Variants in CPSF2 observed in about 807,000 individuals in gnomAD.
CPSF2 encodes cleavage and polyadenylation specific factor 2.
A neutral mutation model predicts 84.2 loss-of-function variants in CPSF2; 51 were observed. The ratio of observed to expected loss-of-function variants is 0.61; its 90% CI spans 0.48 to 0.77. The LOEUF (loss-of-function observed/expected upper bound fraction) is 0.77, where lower values mean the gene tolerates loss of function less well. CPSF2 is among the 30% of genes least tolerant of loss of function. CPSF2 has a pLI of 0.00. For missense variants in CPSF2, 641 were observed against 929.4 expected (o/e 0.69, Z 4.03); for synonymous variants, 286 against 311.9 (o/e 0.92, Z 0.87).
At position 92,168,407 on chromosome 14, in the gene CPSF2, AC is replaced by A; in HGVS notation, c.*6665del. 6.6e-6 allele frequency: 1 copy of A among 152,136 alleles called. No individual in the cohort carries two copies. The highest frequency in any genetic ancestry group is 2.4e-5 in the African/African-American group (1 of 41,506). 9.4% of individuals were successfully genotyped at this position (152,136 alleles called of 1,614,324 possible). A position where few individuals can be genotyped will look rare whatever the true frequency, so the allele number is the denominator to read the frequency against. ...TGTTTATGGGAAAATACCAAAAATTACCAAAATTTAAAAACCCAGGGCTTTG... is the reference window on the plus strand; with the variant it reads ...TGTTTATGGGAAAATACCAAAAATTACAAAATTTAAAAACCCAGGGCTTTG... On this transcript the variant is annotated 3_prime_UTR_variant, in exon 16 of 16. Transcript: ENST00000298875.
At chr14:92,141,609 T>C (rs578082325) in intron 7 of CPSF2, among the ~76,000 whole-genome samples, 1 of 152,162 alleles carries the variant, frequency 6.6e-6, no homozygotes, top group South Asian at 2.1e-4. Context: ...ATTACAGGTG[T>C]GAGCCATTGC....
intron 7 of CPSF2, among the ~76,000 whole-genome samples, chr14:92,141,051 G>A (rs975761637): frequency 6.6e-6 from 1 of 152,154 alleles, no homozygotes; most frequent in Non-Finnish European, 1.5e-5. Flanking sequence ...CTTGTTGGAA[G>A]GGAATATGAT....
At chr14:92,142,875 G>T in intron 8 of CPSF2, 129 bp from the exon 9 acceptor site, 3 of 803,586 alleles carry the variant, frequency 3.7e-6, no homozygotes, top group Non-Finnish European at 5.8e-6. Flanking sequence ...TAAGCTGCTT[G>T]TCAAAACAGT....
Position 92,159,018 on chromosome 14 carries a change from G to C in CPSF2, c.1857G>C (p.Gln619His). 6.2e-7 allele frequency: 1 copy of C among 1,613,986 alleles called. No individual in the cohort carries two copies. The highest frequency in any genetic ancestry group is 8.5e-7 in the Non-Finnish European group (1 of 1,179,944). ...AAGACTCACTTGTCAGCTCTCTTCA[G>C]TTTTGTAAGGCAAAAGATGCTGAAT... Reference protein sequence around the residue: ...RLKDSLVSSLQFCKAKDAELA... With the variant: ...RLKDSLVSSLHFCKAKDAELA... Residue 619 changes from glutamine (Q) to histidine (H), a missense_variant, in exon 14 of 16, where the codon CAG becomes CAC. Transcript: ENST00000298875.
In CPSF2 at chr14:92,135,498, T is replaced by C. The variant is rs762735556; in HGVS notation, c.545+2T>C. The C allele has an allele frequency of 6.2e-7, 1 of 1,610,250 alleles. No individual in the cohort carries two copies. The highest frequency in any genetic ancestry group is 1.7e-5 in the Admixed American group (1 of 59,130). ...TGACTTCAACCACAAGAGGGAGATG[T>C]AGGTATATCAAGAGAAAAGCTAAAG... On this transcript the variant is annotated splice_donor_variant, in intron 6 of 15. Transcript: ENST00000298875. LOFTEE classifies it high-confidence loss of function.
At chr14:92,131,941 A>G (rs2068937134) in intron 3 of CPSF2, among the ~76,000 whole-genome samples, 1 of 152,058 alleles carries the variant, frequency 6.6e-6, no homozygotes, top group East Asian at 1.9e-4. Context: ...AGAACTTGAG[A>G]AAAAAAATCC....
chr14:92,131,404 A>T (rs553148082), intron 3 of CPSF2, among the ~76,000 whole-genome samples: 1 of 152,362 alleles, frequency 6.6e-6, no homozygotes, highest in African/African-American at 2.4e-5. Context: ...ACAAGAATAC[A>T]TAAGAATTTG....
chr14:92,155,308 A>G lies in CPSF2; in HGVS notation c.1427A>G (p.Tyr476Cys), dbSNP rs1175896132. The G allele has an allele frequency of 6.2e-7, 1 of 1,613,712 alleles. No individual in the cohort carries two copies. The highest frequency in any genetic ancestry group is 8.5e-7 in the Non-Finnish European group (1 of 1,179,730). ...GAAGAAAGAATTAAATGGGATGAAT[A>G]TGGAGAGATTATCAAGTATGTGAGC... is the stretch of plus-strand genomic sequence containing the variant. ...APEERIKWDE[Y>C]GEIIKPEDFL... The change falls in exon 11 of 16, where the codon TAT becomes TGT. Residue 476 changes from tyrosine to cysteine, a missense_variant. Physicochemically the swap from Tyr to Cys is radical, Grantham distance 194. Coordinates refer to ENST00000298875, the MANE Select transcript of CPSF2 (RefSeq NM_017437.3).
At chr14:92,153,052 T>C (rs1456960191) in intron 9 of CPSF2, among the ~76,000 whole-genome samples, 1 of 112,264 alleles carries the variant, frequency 8.9e-6, no homozygotes. Context: ...AGAAATACTG[T>C]GTCAAATGTC....
At position 92,135,456 on chromosome 14, in the gene CPSF2, G is replaced by T; in HGVS notation, c.505G>T (p.Glu169Ter). Residue 169 changes from glutamate to a stop codon, truncating the protein, a stop_gained, in exon 6 of 16, where the codon GAA becomes TAA. Transcript: ENST00000298875. LOFTEE classifies it high-confidence loss of function. The stretch of plus-strand genomic sequence containing the variant: ...GAAAATAGTCAAAGATGGAGAAGAA[G>T]AAATTGTTTATGCAGTTGACTTCAA... ...IWKIVKDGEE[E>*]IVYAVDFNHK... The T allele has an allele frequency of 6.2e-7, 1 of 1,613,614 alleles. No individual in the cohort carries two copies. The highest frequency in any genetic ancestry group is 8.5e-7 in the Non-Finnish European group (1 of 1,179,754).
At chr14:92,152,905 A>G (rs1343478278) in intron 9 of CPSF2, among the ~76,000 whole-genome samples, 6 of 152,084 alleles carry the variant, frequency 3.9e-5, no homozygotes, top group Admixed American at 3.9e-4. Context: ...TATGAGAACT[A>G]CTGATTTAAT....
At chr14:92,151,752 A>G (rs1206369763) in intron 9 of CPSF2, among the ~76,000 whole-genome samples, 3 of 152,160 alleles carry the variant, frequency 2.0e-5, no homozygotes, top group Non-Finnish European at 4.4e-5. Context: ...GAATAATGCT[A>G]TAGGCCAGGT....
rs553891330 is a variant in CPSF2 at position 92,157,963 on chromosome 14, C to T, written c.1821+79C>T. 9.5e-5 allele frequency: 94 copies of T among 986,554 alleles called. No homozygotes were observed. In the African/African-American group the frequency reaches 1.3e-3, roughly 13 times the overall value. 61.1% of individuals were successfully genotyped at this position (986,554 alleles called of 1,614,324 possible). On this transcript the variant is annotated intron_variant, in intron 13 of 15. Coordinates refer to ENST00000298875, the MANE Select transcript of CPSF2 (RefSeq NM_017437.3). The surrounding 1 kb of genome is among the most constrained non-coding windows in gnomAD (Gnocchi z 4.0). ...TTAGGACAGATAACATTAGAAATAC[C>T]GAGATGTGTGAGACAGACATGGATG... is the stretch of plus-strand genomic sequence containing the variant.
intron 7 of CPSF2, 140 bp from the exon 8 acceptor site, chr14:92,142,024 C>A: frequency 1.0e-5 from 6 of 578,714 alleles, no homozygotes; most frequent in East Asian, 3.0e-5. Context: ...GAACAAAATT[C>A]CTTCATTTTG....
chr14:92,161,384 C>A, intron 15 of CPSF2, 138 bp downstream of exon 15: 1 of 969,672 alleles, frequency 1.0e-6, no homozygotes. Context: ...ACCTCAAAGG[C>A]TTACAGAAGT....
Position 92,155,224 on chromosome 14 carries a change from G to C in CPSF2, c.1343G>C (p.Ser448Thr). ...KHDLMMKGEG[S>T]RKGSFFKQAK... ...GACTTGATGATGAAAGGTGAAGGCA[G>C]TCGTAAAGGAAGTTTTTTCAAACAG... The change falls in exon 11 of 16, where the codon AGT becomes ACT. Residue 448 changes from serine to threonine, a missense_variant. Ser to Thr is a moderately conservative substitution (Grantham distance 58, BLOSUM62 1). Coordinates refer to ENST00000298875, the MANE Select transcript of CPSF2 (RefSeq NM_017437.3). 1.2e-6 allele frequency: 2 copies of C among 1,614,096 alleles called. No homozygotes were observed. The highest frequency in any genetic ancestry group is 1.7e-6 in the Non-Finnish European group (2 of 1,179,968).
At chr14:92,138,612 T>C (rs2069032302) in intron 7 of CPSF2, among the ~76,000 whole-genome samples, 1 of 152,090 alleles carries the variant, frequency 6.6e-6, no homozygotes, top group Non-Finnish European at 1.5e-5. Context: ...GTATTTTTAG[T>C]GGAGACAGGG....
rs2069365454 is a variant in CPSF2 at position 92,161,095 on chromosome 14, C to G, written c.2122-17C>G. On this transcript the variant is annotated splice_polypyrimidine_tract_variant and intron_variant, in intron 14 of 15. Transcript: ENST00000298875. ...GTTTTACTTGAAGTTATTCTTTCCCCTTTGACCTTATCTAAGGTTCCTGGA... is the reference window on the plus strand; with the variant it reads ...GTTTTACTTGAAGTTATTCTTTCCCGTTTGACCTTATCTAAGGTTCCTGGA... 1.9e-6 allele frequency: 3 copies of G among 1,612,032 alleles called. No individual in the cohort carries two copies. The highest frequency in any genetic ancestry group is 1.3e-5 in the African/African-American group (1 of 74,802).
chr14:92,169,478 G>C lies in CPSF2; in HGVS notation c.*7734G>C, dbSNP rs2069491630. 6.6e-6 allele frequency: 1 copy of C among 152,106 alleles called. No individual in the cohort carries two copies. Among genetic ancestry groups the C allele is most frequent in the Admixed American group, 6.5e-5 (1 of 15,272 alleles). 9.4% of individuals were successfully genotyped at this position (152,106 alleles called of 1,614,324 possible). ...TTATAAAGTATCAAATTATGTAGAT[G>C]ATGACGAAGTTATAAGGTTACTATA... is the stretch of plus-strand genomic sequence containing the variant. On this transcript the variant is annotated 3_prime_UTR_variant, in exon 16 of 16. Coordinates refer to ENST00000298875, the MANE Select transcript of CPSF2 (RefSeq NM_017437.3).
Sources: gnomAD v4.1 joint callset for allele counts (sites outside exome capture counted in the v4.1 genomes callset) on GRCh38, gnomAD v4.1.1 for gene constraint, Gnocchi (gnomAD v3.1) non-coding constraint, MANE v1.5 for transcripts, NCBI Gene and HGNC (gene_info 2026-07-23, HGNC 2026-07-21) for gene names.